The following AHCY variants were observed in gnomAD, a reference collection of about 807,000 sequenced individuals.
AHCY encodes the protein adenosylhomocysteinase, also known as S-adenosyl-L-homocysteine hydrolase.
In AHCY, 24 loss-of-function variants were observed where a neutral mutation model predicts 45.4. The ratio of observed to expected loss-of-function variants is 0.53; its 90% CI spans 0.38 to 0.74. The LOEUF (loss-of-function observed/expected upper bound fraction) is 0.74. AHCY is among the 30% of genes least tolerant of loss of function. The pLI is 0.00. For synonymous variants in AHCY, 245 were observed against 235.1 expected, an observed-to-expected ratio of 1.04 and a Z score of -0.39; for missense variants, 449 against 594.1, an observed-to-expected ratio of 0.76 and a Z score of 2.54.
At chr20:34,272,807 C>T in the AHCY span, among the ~76,000 whole-genome samples, 1 of 152,080 alleles carries the variant, frequency 6.6e-6, no homozygotes, top group Non-Finnish European at 1.5e-5. Flanking sequence ...TCGCTTGAGC[C>T]CAGGAGGTCG....
chr20:34,292,389 G>A lies in AHCY; in HGVS notation c.414C>T (p.Leu138=). 2.5e-6 allele frequency: 4 copies of A among 1,613,492 alleles called. No individual in the cohort carries two copies. The highest frequency in any genetic ancestry group is 3.4e-6 in the Non-Finnish European group (4 of 1,180,002). ...ILDDGGDLTN[L]IHTKYPQLLP... ...GAAGCTGCGGGTACTTGGTGTGGAT[G>A]AGGTTGGTGAGGTCGCCCCCGTCGT... The change falls in exon 4 of 10, where the codon CTC becomes CTT. Residue 138 remains leucine (L), a synonymous_variant. Transcript: ENST00000217426.
At chr20:34,269,181 C>G in the AHCY span, 2 of 1,488,232 alleles carry the variant, frequency 1.3e-6, no homozygotes, top group Non-Finnish European at 1.8e-6. Flanking sequence ...CCCCCACTCC[C>G]GGCCGCGAGC....
Position 34,281,101 on chromosome 20 carries a change from T to C in AHCY, c.1232A>G (p.Glu411Gly), listed in dbSNP as rs1376300250. Residue 411 changes from glutamate to glycine, a missense_variant, in exon 10 of 10, where the codon GAG becomes GGG. Transcript: ENST00000217426. ...KLNVKLTKLTEKQAQYLGMSC... is the reference protein window; with the variant it reads ...KLNVKLTKLTGKQAQYLGMSC... ...CATGCCCAGGTACTGGGCTTGCTTC[T>C]CAGTTAGCTTGGTCAACTTCACATT... is the stretch of plus-strand genomic sequence containing the variant. The C allele has an allele frequency of 6.2e-7, 1 of 1,614,162 alleles. No individual in the cohort carries two copies. The highest frequency in any genetic ancestry group is 2.2e-5 in the East Asian group (1 of 44,882).
chr20:34,303,371 C>G (rs1467041377), upstream of AHCY: 1 of 1,502,906 alleles, frequency 6.7e-7, no homozygotes. Context: ...CGCGTGGCGC[C>G]GACGCCTTTA....
intron 1 of AHCY, chr20:34,302,062 G>A (rs1004430283): frequency 3.5e-6 from 3 of 865,504 alleles, no homozygotes; most frequent in African/African-American, 3.7e-5. Context: ...GCGTGGTGGT[G>A]CAATCTCGGC....
chr20:34,262,804 A>G, the AHCY span: 1 of 1,613,344 alleles, frequency 6.2e-7, no homozygotes, highest in Non-Finnish European at 8.5e-7. Context: ...GAAACATCTG[A>G]CTTTGCTCCT....
chr20:34,285,210 C>T (rs1373767047), intron 9 of AHCY, among the ~76,000 whole-genome samples: 3 of 152,152 alleles, frequency 2.0e-5, no homozygotes, highest in East Asian at 1.9e-4. Flanking sequence ...CCCAGGCTCT[C>T]CTCACCACCT....
At chr20:34,292,628 C>T in intron 3 of AHCY, 121 bp from the exon 4 acceptor site, 2 of 1,411,566 alleles carry the variant, frequency 1.4e-6, no homozygotes, top group Non-Finnish European at 9.9e-7. Context: ...CCTCCGGCCC[C>T]TCTGAAAACT....
At chr20:34,294,418 G>A (rs1471339151) in intron 2 of AHCY, among the ~76,000 whole-genome samples, 1 of 152,196 alleles carries the variant, frequency 6.6e-6, no homozygotes, top group African/African-American at 2.4e-5. Context: ...TGCAGAGACT[G>A]TTGGAGAAGA....
chr20:34,244,520 A>G, the AHCY span, among the ~76,000 whole-genome samples: 1 of 152,244 alleles, frequency 6.6e-6, no homozygotes, highest in Admixed American at 6.5e-5. Flanking sequence ...CTTAGAAAAT[A>G]TGATTCTTTA....
downstream of AHCY, among the ~76,000 whole-genome samples, chr20:34,275,915 T>A (rs1601627948): frequency 1.3e-5 from 2 of 152,056 alleles, no homozygotes; most frequent in Non-Finnish European, 2.9e-5. Flanking sequence ...GGTCTCAAAC[T>A]CCTGACCTCA....
At chr20:34,260,445 T>C in the AHCY span, 1 of 1,614,198 alleles carries the variant, frequency 6.2e-7, no homozygotes, top group Non-Finnish European at 8.5e-7. Context: ...AACAGCCACC[T>C]GCCACCTGAG....
At chr20:34,256,846 T>C in the AHCY span, among the ~76,000 whole-genome samples, 7 of 152,102 alleles carry the variant, frequency 4.6e-5, no homozygotes, top group African/African-American at 1.7e-4. Context: ...AGTGGTACAA[T>C]CACAGCTCAC....
At chr20:34,279,141 A>G (rs938510468), downstream of AHCY, among the ~76,000 whole-genome samples, 1 of 143,086 alleles carries the variant, frequency 7.0e-6, no homozygotes, top group Non-Finnish European at 1.5e-5. Context: ...AAGGCCAGGC[A>G]CGGTGGCTCA....
upstream of AHCY, among the ~76,000 whole-genome samples, chr20:34,305,192 C>T (rs542682231): frequency 2.7e-5 from 4 of 149,508 alleles, no homozygotes; most frequent in East Asian, 2.0e-4. Flanking sequence ...GGCGTGGTGT[C>T]GGGAGCCTGT....
the AHCY span, among the ~76,000 whole-genome samples, chr20:34,241,728 G>T: frequency 2.6e-5 from 4 of 152,046 alleles, no homozygotes; most frequent in Non-Finnish European, 5.9e-5. Context: ...AGCAGTAAAC[G>T]AATAAATAAA....
intron 1 of AHCY, chr20:34,301,761 T>G (rs2122824842): frequency 1.0e-6 from 1 of 964,462 alleles, no homozygotes; most frequent in Middle Eastern, 5.4e-4. Flanking sequence ...ACATAACCTT[T>G]CTGGGTTCAG....
chr20:34,232,587 C>G, the AHCY span, among the ~76,000 whole-genome samples: 1 of 152,160 alleles, frequency 6.6e-6, no homozygotes, highest in African/African-American at 2.4e-5. Flanking sequence ...ATCTGTAGGT[C>G]TTATTTGAGA....
the AHCY span, among the ~76,000 whole-genome samples, chr20:34,250,851 T>C: frequency 6.6e-6 from 1 of 152,086 alleles, no homozygotes; most frequent in Non-Finnish European, 1.5e-5. Flanking sequence ...GAACAAGGCC[T>C]TATCCCTGAA....
Sources: gnomAD v4.1 joint callset for allele counts (sites outside exome capture counted in the v4.1 genomes callset) on GRCh38, gnomAD v4.1.1 for gene constraint, MANE v1.5 for transcripts, NCBI Gene and HGNC (gene_info 2026-07-23, HGNC 2026-07-21) for gene names.